Variants in DTNBP1 observed in about 807,000 individuals in gnomAD.
DTNBP1 encodes dystrobrevin binding protein 1.
A neutral mutation model predicts 42.8 loss-of-function variants in DTNBP1; 35 were observed. The observed-to-expected ratio is 0.82, with a 90% CI of 0.63 to 1.09. The LOEUF (loss-of-function observed/expected upper bound fraction) is 1.09, where lower values mean the gene tolerates loss of function less well. Among genes scored for constraint, DTNBP1 ranks in the 50% least tolerant of loss-of-function variants. The pLI is 0.00. For synonymous variants in DTNBP1, 171 were observed against 162.2 expected, an observed-to-expected ratio of 1.05 and a Z score of -0.41; for missense variants, 457 against 424.2, an observed-to-expected ratio of 1.08 and a Z score of -0.68.
intron 5 of DTNBP1, among the ~76,000 whole-genome samples, chr6:15,616,562 A>C (rs2113706165): frequency 6.6e-6 from 1 of 152,366 alleles, no homozygotes. Context: ...GGAAGGGAGC[A>C]GTGAAGAACA....
At chr6:15,580,216 A>G (rs1228473123) in intron 7 of DTNBP1, among the ~76,000 whole-genome samples, 1 of 152,178 alleles carries the variant, frequency 6.6e-6, no homozygotes, top group African/African-American at 2.4e-5. Flanking sequence ...ATCACATTTT[A>G]CCTCCCGTCA....
chr6:15,576,915 T>TATGCCAATCACTATTCTAGGCCCA (rs1775602152), intron 7 of DTNBP1, among the ~76,000 whole-genome samples: 1 of 152,142 alleles, frequency 6.6e-6, no homozygotes, highest in Non-Finnish European at 1.5e-5. Flanking sequence ...TATTGGGTGC[T>TATGCCAATCACTATTCTAGGCCCA]ATGCCAATCA....
chr6:15,576,815 CTG>C (rs971972045), intron 7 of DTNBP1, among the ~76,000 whole-genome samples: 3 of 148,198 alleles, frequency 2.0e-5, no homozygotes, highest in Admixed American at 2.0e-4. Context: ...GCTCAAATGA[CTG>C]AGACATCGCT....
intron 3 of DTNBP1, among the ~76,000 whole-genome samples, chr6:15,639,369 C>G: frequency 6.6e-6 from 1 of 152,172 alleles, no homozygotes; most frequent in Admixed American, 6.5e-5. Context: ...TGATGTAAAA[C>G]CTGATTTCCC....
In DTNBP1 at chr6:15,523,919, C is replaced by T. The variant is rs778040033; in HGVS notation, c.811+607G>A. The T allele has an allele frequency of 4.0e-5, 52 of 1,287,300 alleles. No homozygotes were observed. In the Middle Eastern group the frequency reaches 9.8e-4, roughly 24 times the overall value. 79.7% of individuals were successfully genotyped at this position (1,287,300 alleles called of 1,614,324 possible). ...ACAGATGGCTGAGGTGCTGCTGGGACGACTGAGCTTTGCCTTGACCCAGCC... is the reference window on the plus strand; with the variant it reads ...ACAGATGGCTGAGGTGCTGCTGGGATGACTGAGCTTTGCCTTGACCCAGCC... On this transcript the variant is annotated intron_variant, in intron 9 of 9. Transcript: ENST00000344537.
At chr6:15,608,271 TA>T (rs35399612) in intron 6 of DTNBP1, among the ~76,000 whole-genome samples, 26,727 of 151,084 alleles carry the variant, frequency 0.18, 2,726 homozygotes, top group Non-Finnish European at 0.24. Flanking sequence ...TTGCTTGGTT[TA>T]AAAAAAAACA....
chr6:15,551,352 T>C (rs993878889), intron 7 of DTNBP1, among the ~76,000 whole-genome samples: 1 of 152,224 alleles, frequency 6.6e-6, no homozygotes, highest in Non-Finnish European at 1.5e-5. Flanking sequence ...TGTTTTCTAC[T>C]GGCTACAACA....
intron 7 of DTNBP1, among the ~76,000 whole-genome samples, chr6:15,542,500 T>C (rs1196995352): frequency 2.0e-5 from 3 of 152,010 alleles, no homozygotes; most frequent in Admixed American, 6.5e-5. Context: ...GCCTCCTGAG[T>C]AGCTGGGATT....
chr6:15,549,924 AG>A (rs1423858017), intron 7 of DTNBP1, among the ~76,000 whole-genome samples: 1 of 152,206 alleles, frequency 6.6e-6, no homozygotes, highest in Non-Finnish European at 1.5e-5. Flanking sequence ...CTTTTTGGGC[AG>A]GGCTCTTGCC....
intron 7 of DTNBP1, among the ~76,000 whole-genome samples, chr6:15,538,234 G>A (rs1039900321): frequency 2.6e-5 from 4 of 152,190 alleles, no homozygotes; most frequent in South Asian, 2.1e-4. Flanking sequence ...GATGTGAAGC[G>A]TGACAGGGAT....
At chr6:15,567,617 C>T (rs1775153230) in intron 7 of DTNBP1, among the ~76,000 whole-genome samples, 1 of 152,176 alleles carries the variant, frequency 6.6e-6, no homozygotes. Flanking sequence ...CCTCGCTTCA[C>T]ATTGTCCCAT....
chr6:15,661,500 A>G (rs751042940), intron 1 of DTNBP1, among the ~76,000 whole-genome samples: 1 of 152,184 alleles, frequency 6.6e-6, no homozygotes, highest in Non-Finnish European at 1.5e-5. Context: ...CTACTAAAAA[A>G]TACAAAAATA....
intron 4 of DTNBP1, 58 bp from the exon 5 acceptor site, chr6:15,627,533 C>G (rs771299651): frequency 8.7e-6 from 14 of 1,608,116 alleles, no homozygotes; most frequent in Non-Finnish European, 1.2e-5. Context: ...AAAGAAAGTA[C>G]AGTTAACGTA....
chr6:15,528,719 A>G (rs1772594264), intron 8 of DTNBP1, among the ~76,000 whole-genome samples: 2 of 152,228 alleles, frequency 1.3e-5, no homozygotes, highest in Non-Finnish European at 2.9e-5. Context: ...GAAATTTGAC[A>G]GCATCTAGTG....
intron 2 of DTNBP1, 71 bp from the exon 3 acceptor site, chr6:15,651,434 A>C: frequency 6.4e-7 from 1 of 1,567,370 alleles, no homozygotes; most frequent in Non-Finnish European, 8.7e-7. Flanking sequence ...AGGTACATAC[A>C]AGAATTTTGA....
chr6:15,570,375 G>A (rs1311205779), intron 7 of DTNBP1, among the ~76,000 whole-genome samples: 2 of 152,172 alleles, frequency 1.3e-5, no homozygotes, highest in African/African-American at 4.8e-5. Context: ...ACACAGCCAA[G>A]TGGCCGTTTC....
Position 15,627,422 on chromosome 6 carries a change from T to C in DTNBP1, c.276A>G (p.Thr92=), listed in dbSNP as rs148092520. 1,812 of 1,614,038 alleles carry C rather than the reference T, an allele frequency of 1.1e-3. 33 individuals carry two copies. The highest frequency in any genetic ancestry group is 2.0e-3 in the Middle Eastern group (12 of 6,056). Reference sequence around the variant, plus strand: ...GCTGCTCTTGCAGCTCCACGAGGCTTGTCTTTTTCTTCTCCCAGTGCGCAG... The same window carrying C: ...GCTGCTCTTGCAGCTCCACGAGGCTCGTCTTTTTCTTCTCCCAGTGCGCAG... ...MLSAHWEKKK[T]SLVELQEQLQ... Residue 92 remains threonine (T), a synonymous_variant, in exon 5 of 10, where the codon ACA becomes ACG. Transcript: ENST00000344537.
rs564976531 is a variant in DTNBP1, at chr6:15,607,808, G to A, written c.488+7459C>T. On this transcript the variant is annotated intron_variant, in intron 6 of 9. Coordinates refer to ENST00000344537, the MANE Select transcript of DTNBP1 (RefSeq NM_032122.5). ...TTAAAAAATGTTTAATTCAATTTTT[G>A]CATGTTGATAGTACATACCCATTCC... Among the ~76,000 whole-genome samples the A allele has an allele frequency of 1.1e-4, 16 of 152,192 alleles. No individual in the cohort carries two copies. The South Asian group carries it at 3.1e-3, about 30-fold the overall frequency.
chr6:15,608,860 A>G (rs2113680318), intron 6 of DTNBP1, among the ~76,000 whole-genome samples: 1 of 152,272 alleles, frequency 6.6e-6, no homozygotes, highest in African/African-American at 2.4e-5. Context: ...CTTTATTCCT[A>G]GTGTAGTGAA....
Sources: gnomAD v4.1 joint callset for allele counts (sites outside exome capture counted in the v4.1 genomes callset) on GRCh38, gnomAD v4.1.1 for gene constraint, MANE v1.5 for transcripts, NCBI Gene and HGNC (gene_info 2026-07-23, HGNC 2026-07-21) for gene names.